USP32: variants seen among roughly 807,000 people sequenced by gnomAD.
USP32 encodes ubiquitin specific peptidase 32, also known as ubiquitin carboxyl-terminal hydrolase 32.
In USP32, 59 loss-of-function variants were observed where a neutral mutation model predicts 204.8. The ratio of observed to expected loss-of-function variants is 0.29; its 90% CI spans 0.23 to 0.36. USP32 has a LOEUF of 0.36. Ranked by LOEUF, USP32 falls within the 10% of genes least tolerant of loss-of-function variation. The pLI is 1.00. For missense variants in USP32, 1,160 were observed against 1,946.4 expected (o/e 0.60, Z 7.60); for synonymous variants, 517 against 678.4 (o/e 0.76, Z 3.70).
intron 1 of USP32, among the ~76,000 whole-genome samples, chr17:60,364,016 C>T (rs763324267): frequency 1.3e-5 from 2 of 152,128 alleles, no homozygotes; most frequent in African/African-American, 2.4e-5. Flanking sequence ...GCTGCTACAA[C>T]AAAATATCTC....
intron 9 of USP32, chr17:60,257,981 A>G (rs917612645): frequency 1.3e-5 from 2 of 154,570 alleles, no homozygotes; most frequent in Non-Finnish European, 2.9e-5. Context: ...CACAATTTCA[A>G]TAACAAAATA....
intron 16 of USP32, among the ~76,000 whole-genome samples, chr17:60,216,271 T>C (rs1440396489): frequency 7.0e-6 from 1 of 141,980 alleles, no homozygotes; most frequent in East Asian, 2.0e-4. Context: ...CAAGAGATTA[T>C]GGAAATCAAA....
chr17:60,273,961 CAA>C (rs35639109), intron 5 of USP32, among the ~76,000 whole-genome samples: 14 of 42,270 alleles, frequency 3.3e-4, no homozygotes, highest in African/African-American at 1.1e-3. Flanking sequence ...GACTCAGTCT[CAA>C]AAAAAAAAAA....
chr17:60,291,545 G>A (rs2087277122), intron 4 of USP32, among the ~76,000 whole-genome samples: 1 of 146,076 alleles, frequency 6.8e-6, no homozygotes, highest in African/African-American at 2.6e-5. Context: ...GTATGTGTGT[G>A]TGTGTGTGTG....
chr17:60,195,016 T>C (rs1377975027), intron 27 of USP32, among the ~76,000 whole-genome samples: 14 of 152,202 alleles, frequency 9.2e-5, no homozygotes, highest in Non-Finnish European at 1.8e-4. Context: ...ATCCCATGTA[T>C]TCATTACCCA....
At chr17:60,179,911 C>T (rs2084058865) in intron 33 of USP32, among the ~76,000 whole-genome samples, 1 of 152,212 alleles carries the variant, frequency 6.6e-6, no homozygotes, top group Non-Finnish European at 1.5e-5. Flanking sequence ...ACCTCATGAT[C>T]CGCCTGCCTT....
At chr17:60,189,967 C>T (rs2084336663) in intron 29 of USP32, among the ~76,000 whole-genome samples, 1 of 152,160 alleles carries the variant, frequency 6.6e-6, no homozygotes, top group African/African-American at 2.4e-5. Flanking sequence ...TATTTGTCTC[C>T]ATCAAAATGC....
intron 9 of USP32, among the ~76,000 whole-genome samples, chr17:60,263,929 T>C (rs142845447): frequency 6.6e-6 from 1 of 152,162 alleles, no homozygotes; most frequent in African/African-American, 2.4e-5. Flanking sequence ...CATTGTGGTG[T>C]AGATCCTACC....
At chr17:60,187,860 A>T (rs1486857696) in intron 29 of USP32, among the ~76,000 whole-genome samples, 2 of 152,208 alleles carry the variant, frequency 1.3e-5, no homozygotes, top group African/African-American at 4.8e-5. Context: ...TCTTTTTCAA[A>T]GTTACTTTAA....
At chr17:60,189,662 A>T (rs933636343) in intron 29 of USP32, among the ~76,000 whole-genome samples, 2 of 152,230 alleles carry the variant, frequency 1.3e-5, no homozygotes, top group African/African-American at 4.8e-5. Flanking sequence ...CCAGACAGTG[A>T]CAATAGAAGA....
At chr17:60,407,649 G>A (rs1239130687) in intron 1 of USP32, among the ~76,000 whole-genome samples, 1 of 151,970 alleles carries the variant, frequency 6.6e-6, no homozygotes, top group Non-Finnish European at 1.5e-5. Context: ...AGGTGTGGTG[G>A]TCCATGCCTG....
At chr17:60,242,076 G>A (rs183116057) in intron 11 of USP32, among the ~76,000 whole-genome samples, 8 of 152,264 alleles carry the variant, frequency 5.3e-5, no homozygotes, top group Non-Finnish European at 8.8e-5. Context: ...AAAATAATCT[G>A]TTTGTGTATG....
chr17:60,339,823 A>G (rs1042224959), intron 2 of USP32, among the ~76,000 whole-genome samples: 7 of 152,158 alleles, frequency 4.6e-5, no homozygotes, highest in African/African-American at 1.7e-4. Flanking sequence ...TTTTAAGTGC[A>G]TGAACCTTTT....
At chr17:60,256,317 A>G (rs796703478) in intron 9 of USP32, among the ~76,000 whole-genome samples, 40 of 152,342 alleles carry the variant, frequency 2.6e-4, no homozygotes, top group African/African-American at 9.4e-4. Flanking sequence ...GGAGAGGGGT[A>G]GGCAAATCAC....
At chr17:60,403,022 T>G (rs949700563) in intron 1 of USP32, among the ~76,000 whole-genome samples, 2 of 151,328 alleles carry the variant, frequency 1.3e-5, no homozygotes, top group Non-Finnish European at 3.0e-5. Context: ...GTATCTCTGT[T>G]TTTTTTTTGA....
At chr17:60,271,298 G>A in intron 6 of USP32, 52 bp downstream of exon 6, 7 of 1,585,020 alleles carry the variant, frequency 4.4e-6, no homozygotes, top group Middle Eastern at 1.7e-4. Context: ...ATATGAGATG[G>A]GCTCAGGTAT....
intron 5 of USP32, among the ~76,000 whole-genome samples, chr17:60,279,463 G>A (rs1214752286): frequency 6.8e-6 from 1 of 147,450 alleles, no homozygotes; most frequent in Non-Finnish European, 1.5e-5. Flanking sequence ...CCTGCCTGGG[G>A]AGCAAGACTC....
intron 12 of USP32, among the ~76,000 whole-genome samples, chr17:60,232,101 T>C (rs1454434844): frequency 2.0e-5 from 3 of 151,564 alleles, no homozygotes; most frequent in Non-Finnish European, 4.4e-5. Context: ...AGCTAAGTAC[T>C]CTCTTAGGTA....
chr17:60,327,515 G>A (rs914441508), intron 2 of USP32, among the ~76,000 whole-genome samples: 3 of 138,786 alleles, frequency 2.2e-5, no homozygotes, highest in African/African-American at 8.0e-5. Context: ...CACCTCAGGA[G>A]CCAGGCTGAG....
Sources: gnomAD v4.1 joint callset for allele counts (sites outside exome capture counted in the v4.1 genomes callset) on GRCh38, gnomAD v4.1.1 for gene constraint, MANE v1.5 for transcripts, NCBI Gene and HGNC (gene_info 2026-07-23, HGNC 2026-07-21) for gene names.